CCT2: variants seen among roughly 807,000 people sequenced by gnomAD.
CCT2 encodes the protein chaperonin containing TCP1 subunit 2.
In CCT2, 18 loss-of-function variants were observed where a neutral mutation model predicts 61.8. The observed-to-expected ratio is 0.29, with a 90% confidence interval of 0.20 to 0.43. The LOEUF is 0.43. Among genes scored for constraint, CCT2 ranks in the 20% least tolerant of loss-of-function variants. The pLI is 1.00. For synonymous variants in CCT2, 248 were observed against 215.9 expected, an observed-to-expected ratio of 1.15 and a Z score of -1.30; for missense variants, 556 against 656.9, an observed-to-expected ratio of 0.85 and a Z score of 1.68.
At chr12:69,588,634 TA>T (rs368091621) in intron 6 of CCT2, among the ~76,000 whole-genome samples, 15 of 152,314 alleles carry the variant, frequency 9.8e-5, no homozygotes, top group African/African-American at 3.4e-4. Context: ...AACCTATCTG[TA>T]GGGGGAGATT....
At chr12:69,597,067 A>G (rs1455793983) in intron 10 of CCT2, 89 bp from the exon 11 acceptor site, 1 of 1,182,856 alleles carries the variant, frequency 8.5e-7, no homozygotes, top group African/African-American at 1.5e-5. Context: ...GAAACACATT[A>G]CCTATCATTA....
At chr12:69,585,550 C>T in intron 1 of CCT2, 26 bp downstream of exon 1, 1 of 1,569,796 alleles carries the variant, frequency 6.4e-7, no homozygotes, top group African/African-American at 1.3e-5. Flanking sequence ...CTGCCTCTTG[C>T]CCTACCCCTG....
chr12:69,590,784 T>C (rs1003347315), intron 7 of CCT2, among the ~76,000 whole-genome samples: 2 of 151,716 alleles, frequency 1.3e-5, no homozygotes, highest in East Asian at 3.9e-4. Flanking sequence ...CAGTATGATC[T>C]CGCCTCACTG....
intron 9 of CCT2, 67 bp downstream of exon 9, chr12:69,593,170 A>C (rs1307931991): frequency 7.2e-7 from 1 of 1,381,056 alleles, no homozygotes; most frequent in Non-Finnish European, 9.9e-7. Flanking sequence ...ATATTTACTT[A>C]TATTGAATTA....
chr12:69,594,314 GT>G (rs1328843719), intron 10 of CCT2, among the ~76,000 whole-genome samples: 2 of 152,102 alleles, frequency 1.3e-5, no homozygotes, highest in Non-Finnish European at 2.9e-5. Context: ...TAGTAGTACA[GT>G]TACAATAGTA....
At position 69,601,456 on chromosome 12, in the gene CCT2, A is replaced by C; in HGVS notation, c.*131A>C. On this transcript the variant is annotated 3_prime_UTR_variant, in exon 16 of 16. Transcript: ENST00000299300. ...ATCCTTAAGTTTGGATATTTAGCTG[A>C]CCTTCGCTTTAACATAGGTCTAATT... 6.4e-7 allele frequency: 1 copy of C among 1,572,530 alleles called. No individual in the cohort carries two copies. Among genetic ancestry groups the C allele is most frequent in the Non-Finnish European group, 8.6e-7 (1 of 1,161,394 alleles).
chr12:69,593,814 T>C (rs1032299603), intron 10 of CCT2, among the ~76,000 whole-genome samples: 1 of 152,224 alleles, frequency 6.6e-6, no homozygotes, highest in Admixed American at 6.5e-5. Context: ...GCCGTAGGTA[T>C]AGATTTCTTT....
At chr12:69,597,345 T>G in intron 11 of CCT2, 70 bp downstream of exon 11, 1 of 1,550,364 alleles carries the variant, frequency 6.5e-7, no homozygotes, top group Non-Finnish European at 8.9e-7. Flanking sequence ...TAAAGGTTAT[T>G]GTAGTTACTA....
rs1213957949 is a variant in CCT2 at position 69,587,628 on chromosome 12, T to C, written c.256+12T>C. 1 of 1,505,122 alleles carries C rather than the reference T, an allele frequency of 6.6e-7. No homozygotes were observed. Among genetic ancestry groups the C allele is most frequent in the Non-Finnish European group, 9.2e-7 (1 of 1,081,506 alleles). The allele number at this position is 1,505,122 out of a possible 1,614,324, so 93.2% of individuals were successfully genotyped here. On this transcript the variant is annotated intron_variant, in intron 4 of 15. Coordinates refer to ENST00000299300, the MANE Select transcript of CCT2 (RefSeq NM_006431.3). ...TAAAGTTTTAGTTGGTAAGTCTGAA[T>C]ATACTTTTTCACCAACCTAATAATA...
chr12:69,593,269 T>C (rs968958164), intron 9 of CCT2, among the ~76,000 whole-genome samples, 166 bp downstream of exon 9: 1 of 152,222 alleles, frequency 6.6e-6, no homozygotes, highest in Non-Finnish European at 1.5e-5. Context: ...ACACTTACAG[T>C]GACCAGAATT....
At chr12:69,593,320 C>CT (rs1183862165) in intron 9 of CCT2, among the ~76,000 whole-genome samples, 190 bp from the exon 10 acceptor site, 1 of 152,172 alleles carries the variant, frequency 6.6e-6, no homozygotes, top group Non-Finnish European at 1.5e-5. Context: ...AAGAACACTT[C>CT]TTTTCAATAC....
intron 10 of CCT2, among the ~76,000 whole-genome samples, chr12:69,595,562 C>CCTGTAGTCG (rs1008205532): frequency 2.0e-5 from 3 of 151,960 alleles, no homozygotes; most frequent in African/African-American, 7.3e-5. Flanking sequence ...GTGGTGGGTG[C>CCTGTAGTCG]CTGTAGTCGC....
rs988189241 is a variant in CCT2, at chr12:69,586,311, A to T, written c.45A>T (p.Gly15=). ...CACCTGTTAACATCTTTAAGGCAGG[A>T]GCTGATGAAGAGAGAGCAGAGACAG... ...SLAPVNIFKA[G]ADEERAETAR... is the part of the protein sequence containing the mutation. The change falls in exon 2 of 16, where the codon GGA becomes GGT. Residue 15 remains glycine, a synonymous_variant. Coordinates refer to ENST00000299300, the MANE Select transcript of CCT2 (RefSeq NM_006431.3). 1.9e-5 allele frequency: 31 copies of T among 1,613,562 alleles called. 1 individual carries two copies. The highest frequency in any genetic ancestry group is 2.5e-5 in the Non-Finnish European group (29 of 1,179,668).
At chr12:69,599,090 C>CTAT in intron 14 of CCT2, among the ~76,000 whole-genome samples, 1 of 152,196 alleles carries the variant, frequency 6.6e-6, no homozygotes, top group South Asian at 2.1e-4. Context: ...GTTGTTATTA[C>CTAT]TATTATTATA....
intron 15 of CCT2, among the ~76,000 whole-genome samples, chr12:69,600,914 A>G (rs1279082769): frequency 1.3e-5 from 2 of 152,242 alleles, no homozygotes; most frequent in East Asian, 1.9e-4. Flanking sequence ...AGATGAGAAT[A>G]GAAGGTGCTT....
chr12:69,589,288 T>C (rs2135851354), intron 6 of CCT2, 197 bp from the exon 7 acceptor site: 2 of 578,854 alleles, frequency 3.5e-6, no homozygotes, highest in Admixed American at 3.1e-5. Flanking sequence ...CCCTCTTTTT[T>C]TTTTGGCATT....
At chr12:69,586,627 C>T (rs1881669323) in intron 2 of CCT2, 126 bp from the exon 3 acceptor site, 2 of 718,378 alleles carry the variant, frequency 2.8e-6, no homozygotes, top group African/African-American at 1.8e-5. Context: ...GAGATCGCGC[C>T]ATTGCACTCC....
intron 10 of CCT2, among the ~76,000 whole-genome samples, chr12:69,594,944 A>T (rs17813407): frequency 0.093 from 14,192 of 152,204 alleles, 876 homozygotes; most frequent in Non-Finnish European, 0.14. Flanking sequence ...GGATATAAGT[A>T]TAGTTTTGTT....
chr12:69,593,596 G>T lies in CCT2; in HGVS notation c.965G>T (p.Arg322Leu). 2 of 1,606,432 alleles carry T rather than the reference G, an allele frequency of 1.2e-6. No individual in the cohort carries two copies. Among genetic ancestry groups the T allele is most frequent in the Non-Finnish European group, 1.7e-6 (2 of 1,173,458 alleles). The change falls in exon 10 of 16, where the codon CGC becomes CTC. Residue 322 changes from arginine to leucine, a missense_variant. Around this residue, in one of 3 missense-constraint regions of CCT2, gnomAD observed 23 missense variants for 56.6 expected, o/e 0.41. Coordinates refer to ENST00000299300, the MANE Select transcript of CCT2 (RefSeq NM_006431.3). ...IEHADFAGVE[R>L]LALVTGGEIA... ...CATGCAGATTTTGCAGGTGTGGAAC[G>T]CCTAGCTCTTGTCACAGGTATGGAA...
Sources: gnomAD v4.1 joint callset for allele counts (sites outside exome capture counted in the v4.1 genomes callset) on GRCh38, gnomAD v4.1.1 for gene constraint, gnomAD v4.1.1 regional missense constraint, MANE v1.5 for transcripts, NCBI Gene and HGNC (gene_info 2026-07-23, HGNC 2026-07-21) for gene names.